Variants in HEATR3 observed in about 807,000 individuals in gnomAD.
The protein encoded by HEATR3 is HEAT repeat-containing protein 3.
Under a neutral mutation model 72.8 loss-of-function variants are expected in HEATR3, and 56 were observed. The ratio of observed to expected loss-of-function variants is 0.77; its 90% CI spans 0.62 to 0.96. HEATR3 has a LOEUF of 0.96. HEATR3 is among the 40% of genes least tolerant of loss of function. HEATR3 has a pLI of 0.00. For missense variants in HEATR3, 747 were observed against 831.4 expected (o/e 0.90, Z 1.25); for synonymous variants, 331 against 318.1 (o/e 1.04, Z -0.43).
At position 50,066,415 on chromosome 16, in the gene HEATR3, G is replaced by A. The variant is rs770707817; in HGVS notation, c.187G>A (p.Ala63Thr). The change falls in exon 2 of 15, where the codon GCC becomes ACC. Residue 63 changes from alanine to threonine, a missense_variant. Ala to Thr is a moderately conservative substitution (Grantham distance 58, BLOSUM62 0). This residue lies in a region of HEATR3 where 161 missense variants were observed against 122.6 expected (regional missense o/e 1.31). Transcript: ENST00000299192. Reference sequence around the variant, plus strand: ...CCGCGAGTGCGCCTGCGCAGGGCTGGCCCGGCTGGTGCAGCAGCGGCCGGC... The same window carrying A: ...CCGCGAGTGCGCCTGCGCAGGGCTGACCCGGCTGGTGCAGCAGCGGCCGGC... ...EVRECACAGL[A>T]RLVQQRPALP... is the part of the protein sequence containing the mutation. The A allele has an allele frequency of 1.3e-6, 2 of 1,520,716 alleles. No individual in the cohort carries two copies. Among genetic ancestry groups the A allele is most frequent in the Non-Finnish European group, 1.7e-6 (2 of 1,147,328 alleles). 94.2% of individuals were successfully genotyped at this position (1,520,716 alleles called of 1,614,324 possible).
intron 9 of HEATR3, 137 bp downstream of exon 9, chr16:50,084,428 A>G: frequency 8.3e-7 from 1 of 1,203,940 alleles, no homozygotes; most frequent in South Asian, 1.5e-5. Context: ...GCTGAGCCTA[A>G]CAGTACTGGA....
At position 50,102,336 on chromosome 16, in the gene HEATR3, C is replaced by G. The variant is rs758746432; in HGVS notation, c.1821C>G (p.Leu607=). The change falls in exon 14 of 15, where the codon CTC becomes CTG. Residue 607 remains leucine, a synonymous_variant. Coordinates refer to ENST00000299192, the MANE Select transcript of HEATR3 (RefSeq NM_182922.4). Reference sequence around the variant, plus strand: ...TAGCAGGAGAAGCTTTGGATGCCCTCTTTGATGTTTTTGCAGATGGTAAAG... The same window carrying G: ...TAGCAGGAGAAGCTTTGGATGCCCTGTTTGATGTTTTTGCAGATGGTAAAG... ...LVVAGEALDA[L]FDVFADGKEA... is the part of the protein sequence containing the mutation. The G allele has an allele frequency of 9.3e-6, 15 of 1,613,920 alleles. No homozygotes were observed. Among genetic ancestry groups the G allele is most frequent in the South Asian group, 3.3e-5 (3 of 91,084 alleles).
intron 12 of HEATR3, among the ~76,000 whole-genome samples, chr16:50,097,595 G>A (rs1013291510): frequency 2.6e-5 from 4 of 151,878 alleles, no homozygotes; most frequent in African/African-American, 9.7e-5. Context: ...GATGTCCCAG[G>A]TTCAATTTGT....
At chr16:50,068,018 G>A (rs574122520) in intron 2 of HEATR3, among the ~76,000 whole-genome samples, 2 of 152,192 alleles carry the variant, frequency 1.3e-5, no homozygotes, top group East Asian at 1.9e-4. Flanking sequence ...AGGTGAGCTC[G>A]GAGGAATGAA....
chr16:50,072,739 T>TA, intron 5 of HEATR3, 25 bp downstream of exon 5: 1 of 1,368,908 alleles, frequency 7.3e-7, no homozygotes, highest in Non-Finnish European at 1.0e-6. Flanking sequence ...GGTGATGACT[T>TA]ATTAAGAATG....
At chr16:50,085,575 AGTG>A in intron 10 of HEATR3, among the ~76,000 whole-genome samples, 1 of 152,184 alleles carries the variant, frequency 6.6e-6, no homozygotes, top group Non-Finnish European at 1.5e-5. Context: ...CTAAGGCTGT[AGTG>A]AGCTATGATG....
At chr16:50,093,110 A>C (rs1189899704) in intron 11 of HEATR3, among the ~76,000 whole-genome samples, 3 of 152,178 alleles carry the variant, frequency 2.0e-5, no homozygotes, top group Non-Finnish European at 4.4e-5. Context: ...ATTTTGGTAC[A>C]TAATACATAT....
At chr16:50,075,326 A>AG (rs1272215484) in intron 5 of HEATR3, among the ~76,000 whole-genome samples, 1 of 151,770 alleles carries the variant, frequency 6.6e-6, no homozygotes, top group East Asian at 1.9e-4. Context: ...AAAAAAAAAA[A>AG]AAAAGTATAG....
intron 2 of HEATR3, 48 bp from the exon 3 acceptor site, chr16:50,068,732 T>C (rs764766418): frequency 2.9e-6 from 4 of 1,374,800 alleles, no homozygotes; most frequent in Admixed American, 3.4e-5. Context: ...AGAAGTGTTC[T>C]GTGACATGTG....
chr16:50,096,891 C>G (rs974276851), intron 12 of HEATR3, among the ~76,000 whole-genome samples: 1 of 152,166 alleles, frequency 6.6e-6, no homozygotes, highest in African/African-American at 2.4e-5. Flanking sequence ...TCACTCCCCT[C>G]CTTTCCCCAT....
chr16:50,087,314 T>C (rs2037009699), intron 11 of HEATR3, among the ~76,000 whole-genome samples: 1 of 152,218 alleles, frequency 6.6e-6, no homozygotes, highest in South Asian at 2.1e-4. Flanking sequence ...CTGATACGGA[T>C]TAATTTCATA....
intron 5 of HEATR3, 51 bp downstream of exon 5, chr16:50,072,765 A>G: frequency 8.8e-7 from 1 of 1,130,924 alleles, no homozygotes; most frequent in Non-Finnish European, 1.3e-6. Context: ...CCTTATTCAA[A>G]AATTTTTATG....
intron 11 of HEATR3, among the ~76,000 whole-genome samples, chr16:50,086,654 G>A (rs1466055642): frequency 3.3e-5 from 5 of 152,216 alleles, no homozygotes; most frequent in African/African-American, 9.6e-5. Context: ...TCTCAGCCAA[G>A]CACGGTGGCT....
chr16:50,080,396 A>G (rs62033033), intron 7 of HEATR3: 11,624 of 150,124 alleles, frequency 0.077, 535 homozygotes, highest in Middle Eastern at 0.15. Flanking sequence ...ACTGCAGTGC[A>G]ATGGTGTGAT....
chr16:50,066,643 C>T, intron 2 of HEATR3, 104 bp downstream of exon 2: 1 of 1,058,766 alleles, frequency 9.4e-7, no homozygotes, highest in Non-Finnish European at 1.2e-6. Context: ...TGCCATCAGG[C>T]ACTGGCCCGG....
rs1310495319 is a variant in HEATR3, at chr16:50,102,384, A to G, written c.1869A>G (p.Gln623=). The G allele has an allele frequency of 1.2e-6, 2 of 1,614,018 alleles. No homozygotes were observed. Among genetic ancestry groups the G allele is most frequent in the East Asian group, 4.5e-5 (2 of 44,884 alleles). ...AAGAAGCCGAAAGAGCCTCGATTCA[A>G]ATTAAATTATTATCTGCTCTGAAAG... is the stretch of plus-strand genomic sequence containing the variant. ...DGKEAERASI[Q]IKLLSALKEF... Residue 623 remains glutamine, a synonymous_variant, in exon 14 of 15, where the codon CAA becomes CAG. Coordinates refer to ENST00000299192, the MANE Select transcript of HEATR3 (RefSeq NM_182922.4).
intron 2 of HEATR3, 60 bp from the exon 3 acceptor site, chr16:50,068,720 G>A (rs549827089): frequency 1.6e-6 from 2 of 1,248,212 alleles, no homozygotes; most frequent in African/African-American, 3.0e-5. Context: ...ATGTGAGAGG[G>A]TAGAAGTGTT....
At chr16:50,103,886 A>G (rs1482523457) in intron 14 of HEATR3, among the ~76,000 whole-genome samples, 1 of 152,110 alleles carries the variant, frequency 6.6e-6, no homozygotes, top group Non-Finnish European at 1.5e-5. Context: ...TAAGTTAGCC[A>G]TTAAGTGGTG....
intron 7 of HEATR3, among the ~76,000 whole-genome samples, chr16:50,081,564 A>G (rs973464610): frequency 2.0e-5 from 3 of 152,198 alleles, no homozygotes; most frequent in Non-Finnish European, 4.4e-5. Context: ...AAGTGTTCTT[A>G]ACATAACTGA....
Sources: gnomAD v4.1 joint callset for allele counts (sites outside exome capture counted in the v4.1 genomes callset) on GRCh38, gnomAD v4.1.1 for gene constraint, gnomAD v4.1.1 regional missense constraint, MANE v1.5 for transcripts, NCBI Gene and HGNC (gene_info 2026-07-23, HGNC 2026-07-21) for gene names.